WDR19: variants seen among roughly 807,000 people sequenced by gnomAD.
The protein encoded by WDR19 is WD repeat-containing protein 19.
Under a neutral mutation model 180.0 loss-of-function variants are expected in WDR19, and 121 were observed. That is an observed-to-expected ratio of 0.67 (90% CI 0.58 to 0.78). WDR19 has a LOEUF of 0.78. WDR19 is among the 30% of genes least tolerant of loss of function. The pLI is 0.00. For synonymous variants in WDR19, 497 were observed against 540.7 expected (o/e 0.92, Z 1.12); for missense variants, 1,450 against 1,640.7 (o/e 0.88, Z 2.01).
intron 5 of WDR19, among the ~76,000 whole-genome samples, chr4:39,195,301 A>T (rs986648431): frequency 2.0e-5 from 3 of 149,830 alleles, no homozygotes; most frequent in Admixed American, 1.3e-4. Context: ...CGGAGGGTGG[A>T]TGTTGCAGTG....
chr4:39,244,407 C>T lies in WDR19; in HGVS notation c.2562+19C>T, dbSNP rs1478565787. The T allele has an allele frequency of 6.8e-6, 11 of 1,613,766 alleles. No homozygotes were observed. The highest frequency in any genetic ancestry group is 9.3e-6 in the Non-Finnish European group (11 of 1,179,828). On this transcript the variant is annotated intron_variant, in intron 22 of 36. Transcript: ENST00000399820. The stretch of plus-strand genomic sequence containing the variant: ...TATGAAGGTCCTCTTTTCTCTGCAT[C>T]AATATACATGTGGTCTTTTATACAT...
intron 21 of WDR19, among the ~76,000 whole-genome samples, chr4:39,242,468 C>G (rs1732057718): frequency 6.6e-6 from 1 of 151,948 alleles, no homozygotes. Context: ...TTTGGATGTA[C>G]TATAATTTTT....
chr4:39,221,038 A>T (rs1383093418), intron 14 of WDR19, among the ~76,000 whole-genome samples: 2 of 151,708 alleles, frequency 1.3e-5, no homozygotes, highest in South Asian at 2.1e-4. Context: ...TATTTTTTTT[A>T]AAAGAACATG....
At chr4:39,199,447 C>T in intron 5 of WDR19, 31 bp from the exon 6 acceptor site, 3 of 1,554,966 alleles carry the variant, frequency 1.9e-6, no homozygotes, top group Non-Finnish European at 1.8e-6. Context: ...GAGAAATCCA[C>T]ATGTCTGTAT....
intron 28 of WDR19, among the ~76,000 whole-genome samples, chr4:39,258,397 C>T (rs1733965713): frequency 6.6e-6 from 1 of 152,052 alleles, no homozygotes; most frequent in South Asian, 2.1e-4. Context: ...GTGATCTGCC[C>T]ACGTCAGCCT....
At chr4:39,204,818 T>C (rs1353209581) in intron 7 of WDR19, among the ~76,000 whole-genome samples, 1 of 152,184 alleles carries the variant, frequency 6.6e-6, no homozygotes, top group East Asian at 1.9e-4. Context: ...GTCTTTATAA[T>C]CTAAATATGA....
chr4:39,232,584 G>A (rs1730991990), intron 19 of WDR19, among the ~76,000 whole-genome samples: 1 of 151,922 alleles, frequency 6.6e-6, no homozygotes, highest in African/African-American at 2.4e-5. Context: ...TGTAATCCCA[G>A]CTACTGTAAT....
intron 3 of WDR19, among the ~76,000 whole-genome samples, chr4:39,188,436 C>T (rs1345391615): frequency 6.6e-6 from 1 of 151,314 alleles, no homozygotes; most frequent in Admixed American, 6.6e-5. Context: ...AAATAATGAC[C>T]AGGCACAGGG....
At chr4:39,250,277 G>A (rs1733015220) in intron 24 of WDR19, among the ~76,000 whole-genome samples, 1 of 152,170 alleles carries the variant, frequency 6.6e-6, no homozygotes, top group Non-Finnish European at 1.5e-5. Flanking sequence ...CTCAACAGAT[G>A]CAGAAAAGGC....
intron 32 of WDR19, chr4:39,273,769 T>C (rs1449351878): frequency 6.6e-6 from 1 of 152,192 alleles, no homozygotes; most frequent in Admixed American, 6.5e-5. Context: ...TTGCCCAAGA[T>C]CACATTGTCA....
chr4:39,241,357 A>G (rs1731919429), intron 21 of WDR19, among the ~76,000 whole-genome samples: 2 of 152,030 alleles, frequency 1.3e-5, no homozygotes, highest in Non-Finnish European at 1.5e-5. Flanking sequence ...GCCAGCCGTG[A>G]TGACGGGTGC....
Position 39,217,221 on chromosome 4 carries a change from G to C in WDR19, c.1337G>C (p.Gly446Ala). Residue 446 changes from glycine to alanine, a missense_variant, in exon 13 of 37, where the codon GGC (glycine) becomes GCC (alanine). Gly to Ala is a moderately conservative substitution (Grantham distance 60, BLOSUM62 0). Transcript: ENST00000399820. The part of the protein sequence containing the change: ...HSDYAAALFE[G>A]KVQLHLIESE... ...GACTATGCTGCTGCACTTTTTGAAGGCAAAGTCCAGTTACATTTGGTAAGT... is the reference window on the plus strand; with the variant it reads ...GACTATGCTGCTGCACTTTTTGAAGCCAAAGTCCAGTTACATTTGGTAAGT... 1.2e-6 allele frequency: 2 copies of C among 1,600,412 alleles called. No individual in the cohort carries two copies. Among genetic ancestry groups the C allele is most frequent in the Non-Finnish European group, 1.7e-6 (2 of 1,173,174 alleles).
At chr4:39,284,710 A>C (rs1736992114) in intron 36 of WDR19, among the ~76,000 whole-genome samples, 1 of 151,926 alleles carries the variant, frequency 6.6e-6, no homozygotes, top group Non-Finnish European at 1.5e-5. Context: ...CTATGGGAAA[A>C]TTAAACTGCA....
intron 29 of WDR19, among the ~76,000 whole-genome samples, chr4:39,266,565 A>G (rs1286622333): frequency 6.6e-6 from 1 of 152,216 alleles, no homozygotes; most frequent in Admixed American, 6.5e-5. Flanking sequence ...TTTGCCACCT[A>G]TGAGATAGCC....
chr4:39,185,733 T>C lies in WDR19; in HGVS notation c.14T>C (p.Phe5Ser), dbSNP rs1237494778. 5.8e-6 allele frequency: 9 copies of C among 1,554,976 alleles called. No homozygotes were observed. The highest frequency in any genetic ancestry group is 7.8e-6 in the Non-Finnish European group (9 of 1,148,610). MKRI[F>S]SLLEKTWLGA... ...ATTGTGTTTATTTTTTAGCGTATTT[T>C]CTCACTGCTAGAAAAGACTTGGCTT... Residue 5 changes from phenylalanine (F) to serine (S), a missense_variant, in exon 2 of 37, where the codon TTC (phenylalanine) becomes TCC (serine). Transcript: ENST00000399820.
At chr4:39,188,472 T>C (rs1241353910) in intron 3 of WDR19, among the ~76,000 whole-genome samples, 1 of 151,906 alleles carries the variant, frequency 6.6e-6, no homozygotes, top group African/African-American at 2.4e-5. Context: ...CCCAGTACTT[T>C]AGGAGACTGA....
intron 3 of WDR19, among the ~76,000 whole-genome samples, chr4:39,188,973 A>C (rs1393319565): frequency 6.6e-6 from 1 of 151,366 alleles, no homozygotes; most frequent in African/African-American, 2.4e-5. Flanking sequence ...CTCAGGCTGG[A>C]GTGCAGTGGC....
intron 1 of WDR19, among the ~76,000 whole-genome samples, chr4:39,183,808 G>C (rs952504298): frequency 1.3e-5 from 2 of 152,068 alleles, no homozygotes; most frequent in Non-Finnish European, 2.9e-5. Context: ...TGGTTTTTTG[G>C]TTGTGAAACT....
In WDR19 at chr4:39,231,806, T is replaced by C; in HGVS notation, c.1992T>C (p.Asp664=). The C allele has an allele frequency of 1.9e-6, 3 of 1,581,204 alleles. No homozygotes were observed. Among genetic ancestry groups the C allele is most frequent in the Non-Finnish European group, 2.6e-6 (3 of 1,156,138 alleles). ...TGTTCTTACATCCCAGGTTTTCTGATGCTTGGGAAATGTGCAGGATTCTGA... is the reference window on the plus strand; with the variant it reads ...TGTTCTTACATCCCAGGTTTTCTGACGCTTGGGAAATGTGCAGGATTCTGA... ...AQNLMLKRFS[D]AWEMCRILND... The change falls in exon 18 of 37, where the codon GAT becomes GAC. Residue 664 remains aspartate, a synonymous_variant. Transcript: ENST00000399820.
Sources: allele counts gnomAD v4.1 joint callset (sites outside exome capture counted in the v4.1 genomes callset), GRCh38; gene constraint gnomAD v4.1.1; transcripts MANE v1.5; gene names NCBI Gene and HGNC (gene_info 2026-07-23, HGNC 2026-07-21).